Variants in BTBD9 observed in about 807,000 individuals in gnomAD.
BTBD9 encodes the protein BTB/POZ domain-containing protein 9.
BTBD9 carries 49 observed loss-of-function variants against 64.3 expected under a neutral mutation model. The observed-to-expected ratio is 0.76, with a 90% CI of 0.61 to 0.97. BTBD9 has a LOEUF of 0.97. Ranked by LOEUF, BTBD9 falls within the 50% of genes least tolerant of loss-of-function variation. The probability of loss-of-function intolerance (pLI) is 0.00; values close to 1 mark genes in which losing one functional copy is unlikely to be tolerated. For missense variants in BTBD9, 598 were observed against 762.1 expected (o/e 0.78, Z 2.53); for synonymous variants, 260 against 274.7 (o/e 0.95, Z 0.53).
chr6:38,223,686 C>T (rs1000300042), intron 9 of BTBD9, among the ~76,000 whole-genome samples: 8 of 152,120 alleles, frequency 5.3e-5, no homozygotes, highest in African/African-American at 1.9e-4. Context: ...CAATTCTGCA[C>T]CCATTCACGG....
intron 1 of BTBD9, among the ~76,000 whole-genome samples, chr6:38,627,204 G>A (rs1778197702): frequency 6.6e-6 from 1 of 152,188 alleles, no homozygotes; most frequent in South Asian, 2.1e-4. Flanking sequence ...AGAAAATAAA[G>A]GTGGCACTCA....
chr6:38,599,392 C>A (rs1777169996), intron 1 of BTBD9, among the ~76,000 whole-genome samples: 1 of 152,094 alleles, frequency 6.6e-6, no homozygotes, highest in Admixed American at 6.5e-5. Flanking sequence ...CTCAAGTGAT[C>A]CTCCCACCTC....
chr6:38,414,038 C>CTA (rs1014218827), intron 6 of BTBD9, among the ~76,000 whole-genome samples: 32 of 152,196 alleles, frequency 2.1e-4, no homozygotes, highest in Admixed American at 1.7e-3. Context: ...TATTATGCAG[C>CTA]TATATGCTCA....
intron 7 of BTBD9, among the ~76,000 whole-genome samples, chr6:38,340,989 C>A (rs527935916): frequency 6.6e-6 from 1 of 152,130 alleles, no homozygotes; most frequent in Admixed American, 6.5e-5. Flanking sequence ...AATGTTACCA[C>A]GGAAATTCAA....
At chr6:38,426,560 C>A (rs868062424) in intron 6 of BTBD9, among the ~76,000 whole-genome samples, 1 of 151,862 alleles carries the variant, frequency 6.6e-6, no homozygotes, top group Admixed American at 6.6e-5. Flanking sequence ...GCAGACCCAC[C>A]GCTGACTTCC....
chr6:38,308,895 T>C (rs376999542), intron 7 of BTBD9, among the ~76,000 whole-genome samples: 1 of 149,266 alleles, frequency 6.7e-6, no homozygotes, highest in Non-Finnish European at 1.5e-5. Context: ...AGTGCTGGGA[T>C]TACAGGCCTG....
intron 10 of BTBD9, among the ~76,000 whole-genome samples, chr6:38,192,169 C>T (rs749825303): frequency 1.3e-5 from 2 of 152,186 alleles, no homozygotes; most frequent in South Asian, 4.1e-4. Context: ...CTAGACGCCA[C>T]GCTCAGAGGG....
At chr6:38,251,288 G>T in intron 9 of BTBD9, among the ~76,000 whole-genome samples, 1 of 147,024 alleles carries the variant, frequency 6.8e-6, no homozygotes. Flanking sequence ...TTTTAAAGAT[G>T]GGCTTGCGCT....
At chr6:38,453,887 A>C (rs2127340303) in intron 6 of BTBD9, among the ~76,000 whole-genome samples, 1 of 152,360 alleles carries the variant, frequency 6.6e-6, no homozygotes, top group East Asian at 1.9e-4. Context: ...CGAATGTTGA[A>C]GACACATTCC....
chr6:38,266,626 G>T (rs1764998070), intron 8 of BTBD9, among the ~76,000 whole-genome samples: 1 of 54,622 alleles, frequency 1.8e-5, no homozygotes, highest in Admixed American at 1.8e-4. Context: ...AAGAAAGAAA[G>T]AAAGAAAGAA....
intron 7 of BTBD9, among the ~76,000 whole-genome samples, chr6:38,331,987 GC>G (rs1198578655): frequency 6.6e-6 from 1 of 152,110 alleles, no homozygotes; most frequent in East Asian, 1.9e-4. Context: ...AATTAAACAA[GC>G]CAAAAAATGG....
At chr6:38,314,176 T>C (rs922260634) in intron 7 of BTBD9, among the ~76,000 whole-genome samples, 2 of 151,940 alleles carry the variant, frequency 1.3e-5, no homozygotes, top group African/African-American at 4.8e-5. Flanking sequence ...GGTATTGACC[T>C]GTAATTTTAT....
chr6:38,215,414 G>A (rs753786222), intron 9 of BTBD9, among the ~76,000 whole-genome samples: 2 of 152,092 alleles, frequency 1.3e-5, no homozygotes, highest in Non-Finnish European at 2.9e-5. Flanking sequence ...GTTTACCCAC[G>A]CGCGAGTGAA....
intron 9 of BTBD9, among the ~76,000 whole-genome samples, chr6:38,204,763 G>A (rs964653458): frequency 4.6e-5 from 7 of 151,936 alleles, no homozygotes; most frequent in African/African-American, 1.7e-4. Flanking sequence ...CATGAAAGAT[G>A]ACCAACAGCA....
intron 6 of BTBD9, among the ~76,000 whole-genome samples, chr6:38,431,595 A>G (rs949935240): frequency 6.6e-6 from 1 of 152,136 alleles, no homozygotes; most frequent in Non-Finnish European, 1.5e-5. Flanking sequence ...CCTTGCTCAA[A>G]CAAAAAAATT....
rs139717843 is a variant in BTBD9, at chr6:38,255,917, G to A, written c.1562+492C>T. On this transcript the variant is annotated intron_variant, in intron 9 of 10. Transcript: ENST00000481247. ...AACATCACACACACTGGGGCCTGTC[G>A]TGGGGTTGGGGGGGTAGGAGAGGGA... Among the ~76,000 whole-genome samples the A allele has an allele frequency of 1.1e-4, 17 of 152,186 alleles. No homozygotes were observed. In the East Asian group the frequency reaches 1.4e-3, roughly 12 times the overall value.
At chr6:38,192,125 C>G (rs1762097977) in intron 10 of BTBD9, among the ~76,000 whole-genome samples, 1 of 152,210 alleles carries the variant, frequency 6.6e-6, no homozygotes, top group Non-Finnish European at 1.5e-5. Flanking sequence ...TACGAAACAG[C>G]AGGGGAGTGA....
At chr6:38,430,007 C>G (rs1005127349) in intron 6 of BTBD9, among the ~76,000 whole-genome samples, 6 of 151,864 alleles carry the variant, frequency 4.0e-5, no homozygotes, top group African/African-American at 1.5e-4. Context: ...TCTTACCTAC[C>G]CTGGGCTCCC....
intron 6 of BTBD9, among the ~76,000 whole-genome samples, chr6:38,443,346 A>C (rs59594955): frequency 0.061 from 9,331 of 152,148 alleles, 622 homozygotes; most frequent in African/African-American, 0.17. Flanking sequence ...GGCTCAACTT[A>C]CCACACCTCA....
Sources: allele counts gnomAD v4.1 joint callset (sites outside exome capture counted in the v4.1 genomes callset), GRCh38; gene constraint gnomAD v4.1.1; transcripts MANE v1.5; gene names NCBI Gene and HGNC (gene_info 2026-07-23, HGNC 2026-07-21).